The following MPP7 variants were observed in gnomAD, a reference collection of about 807,000 sequenced individuals.
The protein encoded by MPP7 is MAGUK p55 scaffold protein 7.
In MPP7, 60 loss-of-function variants were observed where a neutral mutation model predicts 76.5. That is an observed-to-expected ratio of 0.78 (90% CI 0.64 to 0.97). MPP7 has a LOEUF of 0.97. MPP7 is among the 50% of genes least tolerant of loss of function. MPP7 has a pLI of 0.00. For synonymous variants in MPP7, 237 were observed against 244.5 expected (o/e 0.97, Z 0.29); for missense variants, 641 against 694.0 (o/e 0.92, Z 0.86).
chr10:28,099,793 G>A (rs1037627003), intron 11 of MPP7, among the ~76,000 whole-genome samples: 7 of 151,270 alleles, frequency 4.6e-5, no homozygotes, highest in African/African-American at 1.7e-4. Context: ...GGCAACAAGA[G>A]TGAAACTCCA....
At position 28,124,107 on chromosome 10, in the gene MPP7, T is replaced by C; in HGVS notation, c.539A>G (p.His180Arg). Residue 180 changes from histidine (H) to arginine (R), a missense_variant, in exon 8 of 17, where the codon CAT becomes CGT. His to Arg is a conservative substitution (Grantham distance 29, BLOSUM62 0). Coordinates refer to ENST00000683449, the MANE Select transcript of MPP7 (RefSeq NM_001318170.2). ...GGAADRSGLI[H>R]VGDELREVNG... ...GACTTCCCTAAGTTCATCACCAACA[T>C]GAATAAGACCTGAGAAATAGGAGAT... 2.5e-6 allele frequency: 4 copies of C among 1,607,512 alleles called. No individual in the cohort carries two copies. The highest frequency in any genetic ancestry group is 3.4e-6 in the Non-Finnish European group (4 of 1,174,156).
At chr10:28,184,982 T>C (rs1266562550) in intron 3 of MPP7, among the ~76,000 whole-genome samples, 1 of 147,506 alleles carries the variant, frequency 6.8e-6, no homozygotes, top group African/African-American at 2.5e-5. Context: ...TATTATTTAT[T>C]AATTGATATA....
intron 6 of MPP7, among the ~76,000 whole-genome samples, chr10:28,130,377 A>C (rs1252297072): frequency 6.6e-6 from 1 of 152,132 alleles, no homozygotes; most frequent in Non-Finnish European, 1.5e-5. Context: ...CCCAACTCCC[A>C]CTTAGGTCAT....
At chr10:28,209,183 G>GC (rs1170326728) in intron 2 of MPP7, among the ~76,000 whole-genome samples, 1 of 151,996 alleles carries the variant, frequency 6.6e-6, no homozygotes, top group East Asian at 1.9e-4. Flanking sequence ...TTGCCCAGTC[G>GC]CAAGTATTCC....
At chr10:28,223,333 T>C (rs1389597636) in intron 2 of MPP7, among the ~76,000 whole-genome samples, 1 of 152,146 alleles carries the variant, frequency 6.6e-6, no homozygotes, top group Non-Finnish European at 1.5e-5. Context: ...AGAGACCAGA[T>C]TAATTCTTGT....
chr10:28,123,462 C>CTTTT (rs200098933), intron 8 of MPP7, among the ~76,000 whole-genome samples: 10 of 92,494 alleles, frequency 1.1e-4, no homozygotes, highest in East Asian at 3.2e-4. Context: ...GTACTAAATT[C>CTTTT]TTTTTTTTTT....
intron 2 of MPP7, among the ~76,000 whole-genome samples, chr10:28,233,157 G>A (rs969992870): frequency 4.6e-5 from 7 of 152,066 alleles, no homozygotes; most frequent in Non-Finnish European, 7.4e-5. Context: ...ATTGGTACAC[G>A]TACACTGGGA....
At chr10:28,115,972 T>C (rs117543647) in intron 11 of MPP7, among the ~76,000 whole-genome samples, 2,709 of 152,270 alleles carry the variant, frequency 0.018, 26 homozygotes, top group South Asian at 0.031. Flanking sequence ...AGTTATTGTG[T>C]AAAACAAAAA....
chr10:28,224,021 C>T (rs1838606232), intron 2 of MPP7, among the ~76,000 whole-genome samples: 2 of 151,498 alleles, frequency 1.3e-5, no homozygotes, highest in South Asian at 4.2e-4. Flanking sequence ...CATGGTGAAA[C>T]CCCATCTCTA....
At chr10:28,189,368 G>A (rs1483489831) in intron 3 of MPP7, among the ~76,000 whole-genome samples, 4 of 151,816 alleles carry the variant, frequency 2.6e-5, no homozygotes, top group Non-Finnish European at 5.9e-5. Context: ...TTTGAGACCA[G>A]CCTAAGCAAC....
chr10:28,315,655 G>A (rs1834313772), intron 2 of MPP7, among the ~76,000 whole-genome samples: 1 of 152,178 alleles, frequency 6.6e-6, no homozygotes, highest in Non-Finnish European at 1.5e-5. Context: ...GCTGAGAGAA[G>A]AGACAAATCA....
At chr10:28,233,991 C>T (rs570631061) in intron 2 of MPP7, among the ~76,000 whole-genome samples, 5 of 152,060 alleles carry the variant, frequency 3.3e-5, no homozygotes, top group South Asian at 2.1e-4. Flanking sequence ...AGAAAAGAAA[C>T]GAAATGAAAC....
intron 1 of MPP7, among the ~76,000 whole-genome samples, chr10:28,268,363 C>T (rs1285330468): frequency 2.0e-5 from 3 of 152,224 alleles, no homozygotes; most frequent in Non-Finnish European, 2.9e-5. Context: ...GCAAAGGTTA[C>T]ATCATAGAGT....
intron 2 of MPP7, among the ~76,000 whole-genome samples, chr10:28,311,852 A>G (rs1841291445): frequency 6.6e-6 from 1 of 152,160 alleles, no homozygotes; most frequent in Non-Finnish European, 1.5e-5. Context: ...GAAAGCTTTA[A>G]GTTGAACCAG....
chr10:28,220,993 T>C (rs190457295), intron 2 of MPP7, among the ~76,000 whole-genome samples: 2 of 152,208 alleles, frequency 1.3e-5, no homozygotes, highest in East Asian at 3.9e-4. Flanking sequence ...GATAAAAGTA[T>C]CTTAAATGGC....
In MPP7 at chr10:28,202,158, C is replaced by T. The variant is rs771155955; in HGVS notation, c.151G>A (p.Val51Ile). The T allele has an allele frequency of 6.2e-7, 1 of 1,606,844 alleles. No individual in the cohort carries two copies. The highest frequency in any genetic ancestry group is 8.5e-7 in the Non-Finnish European group (1 of 1,173,638). ...MFGEKSLHSL[V>I]KIHEKLHYYE... ...CTGACATCAGCATGGTTTACCTTTA[C>T]CAATGAATGCAGGCTTTTTTCACCA... Residue 51 changes from valine (V) to isoleucine (I), a missense_variant, in exon 3 of 17, where the codon GTA (valine) becomes ATA (isoleucine). By Grantham distance (29) the Val-to-Ile change is conservative (BLOSUM62 3). Transcript: ENST00000683449.
chr10:28,278,099 A>T (rs1167261024), intron 1 of MPP7, among the ~76,000 whole-genome samples: 1 of 152,142 alleles, frequency 6.6e-6, no homozygotes, highest in Non-Finnish European at 1.5e-5. Flanking sequence ...TAAACCAAAG[A>T]GAATATTGTT....
chr10:28,286,119 C>A (rs1044352247), intron 1 of MPP7, among the ~76,000 whole-genome samples: 3 of 151,916 alleles, frequency 2.0e-5, no homozygotes, highest in Non-Finnish European at 2.9e-5. Flanking sequence ...CCGAGGTGGG[C>A]GGATCACAAG....
chr10:28,212,320 A>G (rs1276073856), intron 2 of MPP7, among the ~76,000 whole-genome samples: 2 of 152,176 alleles, frequency 1.3e-5, no homozygotes, highest in Non-Finnish European at 2.9e-5. Context: ...ATTTTCAAGG[A>G]AGAACTTAAT....
Sources: allele counts gnomAD v4.1 joint callset (sites outside exome capture counted in the v4.1 genomes callset), GRCh38; gene constraint gnomAD v4.1.1; transcripts MANE v1.5; gene names NCBI Gene and HGNC (gene_info 2026-07-23, HGNC 2026-07-21).